DIAPH2: variants seen among roughly 807,000 people sequenced by gnomAD.
DIAPH2 encodes diaphanous related formin 2.
In DIAPH2, 35 loss-of-function variants were observed where a neutral mutation model predicts 92.7. The ratio of observed to expected loss-of-function variants is 0.38; its 90% CI spans 0.29 to 0.50. The LOEUF is 0.50. DIAPH2 is among the 20% of genes least tolerant of loss of function. The probability of loss-of-function intolerance (pLI) is 0.94; values close to 1 mark genes in which losing one functional copy is unlikely to be tolerated. For missense variants in DIAPH2, 701 were observed against 819.5 expected, an observed-to-expected ratio of 0.86 and a Z score of 1.77; for synonymous variants, 301 against 280.4, an observed-to-expected ratio of 1.07 and a Z score of -0.73.
intron 20 of DIAPH2, among the ~76,000 whole-genome samples, chrX:97,102,824 C>G (rs2066914967): frequency 9.0e-6 from 1 of 111,287 alleles, no homozygotes; most frequent in African/African-American, 3.3e-5. Flanking sequence ...CCTGTAGTCC[C>G]AGCTACACAG....
intron 1 of DIAPH2, among the ~76,000 whole-genome samples, chrX:96,710,688 G>A (rs900724641): frequency 2.7e-5 from 3 of 111,198 alleles, no homozygotes; most frequent in African/African-American, 9.8e-5. Context: ...GATGAGGAGG[G>A]AAAATTTTTT....
chrX:96,813,390 G>C (rs774397294), intron 4 of DIAPH2, among the ~76,000 whole-genome samples: 1 of 107,755 alleles, frequency 9.3e-6, no homozygotes, highest in South Asian at 4.1e-4. Context: ...ATCTTCCTCT[G>C]TCCCTTTATT....
At chrX:97,231,468 A>G (rs966358315) in intron 22 of DIAPH2, among the ~76,000 whole-genome samples, 2 of 111,369 alleles carry the variant, frequency 1.8e-5, no homozygotes, top group African/African-American at 6.5e-5. Context: ...AACAGTATGT[A>G]TATAATTAAG....
rs757803652 is a variant in DIAPH2, at chrX:96,691,545, T to C, written c.132+6355T>C. On this transcript the variant is annotated intron_variant, in intron 1 of 26. Transcript: ENST00000324765. ...CTGTTTCCAAATAATATACTCTGGC[T>C]GTAGCTTAAACAGACAACTGAATTC... 1.1e-4 allele frequency among the ~76,000 whole-genome samples: 12 copies of C among 112,668 alleles called. No homozygotes were observed. In the South Asian group the frequency reaches 4.4e-3, roughly 41 times the overall value.
chrX:97,190,992 G>A (rs900899550), intron 22 of DIAPH2, among the ~76,000 whole-genome samples: 2 of 110,003 alleles, frequency 1.8e-5, no homozygotes, highest in Non-Finnish European at 3.8e-5. Context: ...GTGTGCAGTA[G>A]CCCCCTCTTT....
chrX:97,112,880 C>T (rs1406233436), intron 20 of DIAPH2, among the ~76,000 whole-genome samples: 2 of 99,657 alleles, frequency 2.0e-5, no homozygotes, highest in African/African-American at 7.4e-5. Context: ...CAGGCTCAAG[C>T]GATTCTCCTG....
chrX:97,323,916 A>T (rs185103735), intron 23 of DIAPH2, among the ~76,000 whole-genome samples: 2,566 of 109,394 alleles, frequency 0.023, 29 homozygotes, highest in Middle Eastern at 0.043. Context: ...AAAAAAAAAA[A>T]AAAAAAAAAT....
At chrX:97,537,626 G>C (rs1400576985) in intron 26 of DIAPH2, among the ~76,000 whole-genome samples, 1 of 111,076 alleles carries the variant, frequency 9.0e-6, no homozygotes, top group East Asian at 2.8e-4. Context: ...GTTATAAAAA[G>C]AATGTGGTTC....
At chrX:96,713,936 G>A (rs1369958093) in intron 1 of DIAPH2, among the ~76,000 whole-genome samples, 2 of 111,902 alleles carry the variant, frequency 1.8e-5, no homozygotes, top group African/African-American at 3.2e-5. Context: ...GAATAAAGCT[G>A]CTATAAACAT....
At chrX:97,196,749 A>G (rs920354165) in intron 22 of DIAPH2, among the ~76,000 whole-genome samples, 3 of 110,882 alleles carry the variant, frequency 2.7e-5, no homozygotes, top group Middle Eastern at 4.2e-3. Context: ...TTTCGTTTGG[A>G]AAATGTAAAT....
intron 9 of DIAPH2, among the ~76,000 whole-genome samples, chrX:96,922,929 A>G (rs1461896268): frequency 9.0e-6 from 1 of 111,487 alleles, no homozygotes; most frequent in East Asian, 2.8e-4. Context: ...TTGCTGATAG[A>G]GAAGCAGTAC....
intron 8 of DIAPH2, among the ~76,000 whole-genome samples, chrX:96,918,094 T>G (rs973061203): frequency 1.8e-5 from 2 of 111,309 alleles, no homozygotes; most frequent in Admixed American, 1.9e-4. Flanking sequence ...ATATTTGCCT[T>G]AAAGAAATAT....
intron 22 of DIAPH2, among the ~76,000 whole-genome samples, chrX:97,185,650 C>T (rs1441384777): frequency 9.9e-6 from 1 of 100,598 alleles, no homozygotes; most frequent in African/African-American, 3.6e-5. Context: ...AAGCACTTTC[C>T]ATTTTGTTTA....
intron 26 of DIAPH2, among the ~76,000 whole-genome samples, chrX:97,542,115 A>G (rs1373279633): frequency 8.9e-6 from 1 of 112,630 alleles, no homozygotes; most frequent in Non-Finnish European, 1.9e-5. Flanking sequence ...AACTGACGTT[A>G]GTGAATCAGC....
At chrX:96,973,832 A>G (rs762131737) in intron 17 of DIAPH2, among the ~76,000 whole-genome samples, 1 of 108,552 alleles carries the variant, frequency 9.2e-6, no homozygotes, top group South Asian at 4.1e-4. Flanking sequence ...AGTAGCTGGG[A>G]TTACAGGCAT....
At position 97,091,743 on chromosome X, in the gene DIAPH2, G is replaced by C. The variant is rs1359252709; in HGVS notation, c.2248-7951G>C. On this transcript the variant is annotated intron_variant, in intron 19 of 26. Coordinates refer to ENST00000324765, the MANE Select transcript of DIAPH2 (RefSeq NM_006729.5). ...CATATTCTGGGTTCAGTTGTTAACT[G>C]AGCTGTAGTCTAAATTGACATTCCC... Among the ~76,000 whole-genome samples, 9 of 111,479 alleles carry C rather than the reference G, an allele frequency of 8.1e-5. No individual in the cohort carries two copies. In the Admixed American group the frequency reaches 8.6e-4, roughly 11 times the overall value.
chrX:97,569,330 T>C (rs1245880271), intron 26 of DIAPH2, among the ~76,000 whole-genome samples: 5 of 112,030 alleles, frequency 4.5e-5, no homozygotes, highest in Non-Finnish European at 7.5e-5. Context: ...AGATTTTCAC[T>C]TTTCAATCTT....
intron 23 of DIAPH2, among the ~76,000 whole-genome samples, chrX:97,326,153 C>T (rs1352817187): frequency 8.9e-6 from 1 of 112,094 alleles, no homozygotes; most frequent in African/African-American, 3.2e-5. Context: ...TTGAAAGCAA[C>T]TATATCTGTA....
At chrX:97,409,715 T>C (rs1438923585) in intron 25 of DIAPH2, among the ~76,000 whole-genome samples, 1 of 111,962 alleles carries the variant, frequency 8.9e-6, no homozygotes, top group African/African-American at 3.2e-5. Flanking sequence ...CACCAGGAGA[T>C]TATATCCCGT....
Sources: gnomAD v4.1 joint callset for allele counts (sites outside exome capture counted in the v4.1 genomes callset) on GRCh38, gnomAD v4.1.1 for gene constraint, MANE v1.5 for transcripts, NCBI Gene and HGNC (gene_info 2026-07-23, HGNC 2026-07-21) for gene names.